PMPCA: variants seen among roughly 807,000 people sequenced by gnomAD.
The protein encoded by PMPCA is peptidase, mitochondrial processing subunit alpha, also known as mitochondrial-processing peptidase subunit alpha.
In PMPCA, 47 loss-of-function variants were observed where a neutral mutation model predicts 59.3. That is an observed-to-expected ratio of 0.79 (90% CI 0.63 to 1.01). The LOEUF (loss-of-function observed/expected upper bound fraction) is 1.01. Ranked by LOEUF, PMPCA falls within the 50% of genes least tolerant of loss-of-function variation. The pLI is 0.00. For missense variants in PMPCA, 726 were observed against 704.5 expected (o/e 1.03, Z -0.34); for synonymous variants, 338 against 290.3 (o/e 1.16, Z -1.67).
intron 4 of PMPCA, 58 bp downstream of exon 4, chr9:136,412,950 C>T (rs1257617993): frequency 2.1e-5 from 21 of 1,008,640 alleles, no homozygotes; most frequent in Non-Finnish European, 3.2e-5. Flanking sequence ...ACGTTCTTGT[C>T]GTTGCTCAGA....
intron 1 of PMPCA, 50 bp downstream of exon 1, chr9:136,410,789 T>G (rs769970352): frequency 3.0e-6 from 4 of 1,335,388 alleles, no homozygotes; most frequent in Non-Finnish European, 3.9e-6. Context: ...GCGGCTCGAG[T>G]CTTTCTGGAC....
Position 136,421,977 on chromosome 9 carries a change from G to A in PMPCA, c.1408+1G>A, listed in dbSNP as rs753895120. 7 of 1,608,058 alleles carry A rather than the reference G, an allele frequency of 4.4e-6. No homozygotes were observed. The highest frequency in any genetic ancestry group is 5.9e-6 in the Non-Finnish European group (7 of 1,177,336). On this transcript the variant is annotated splice_donor_variant, in intron 12 of 12. Transcript: ENST00000371717. LOFTEE classifies it high-confidence loss of function. ...CCGCACGAGCTGTGCACGCTCATCC[G>A]TGAGTACCGCAGGGGTAGTGAGGGG...
intron 1 of PMPCA, chr9:136,411,390 A>C (rs1043157933): frequency 1.3e-5 from 2 of 154,660 alleles, no homozygotes; most frequent in African/African-American, 4.8e-5. Flanking sequence ...AGAAAATAGC[A>C]GGAAAGACTA....
At chr9:136,420,997 G>T (rs1425788957) in intron 11 of PMPCA, 1 of 151,642 alleles carries the variant, frequency 6.6e-6, no homozygotes, top group East Asian at 1.9e-4. Context: ...TTTTCAGTAT[G>T]CTGGCTCCTA....
intron 8 of PMPCA, 55 bp from the exon 9 acceptor site, chr9:136,418,500 G>A (rs1020511403): frequency 1.8e-5 from 20 of 1,110,408 alleles, no homozygotes; most frequent in South Asian, 1.2e-4. Context: ...GGCGTCTGAC[G>A]GTGCTCCTGA....
rs781745140 is a variant in PMPCA at position 136,417,088 on chromosome 9, C to A, written c.771C>A (p.Gly257=). 3 of 1,613,964 alleles carry A rather than the reference C, an allele frequency of 1.9e-6. No individual in the cohort carries two copies. Among genetic ancestry groups the A allele is most frequent in the Non-Finnish European group, 2.5e-6 (3 of 1,180,034 alleles). ...TPDRMVLAGV[G]VEHEHLVDCA... ...ACCGCATGGTGCTGGCCGGCGTGGG[C>A]GTGGAGCACGAGCATCTGGTGGACT... The change falls in exon 7 of 13, where the codon GGC becomes GGA. Residue 257 remains glycine (G), a synonymous_variant. Coordinates refer to ENST00000371717, the MANE Select transcript of PMPCA (RefSeq NM_015160.3).
At chr9:136,412,913 A>T in intron 4 of PMPCA, 21 bp downstream of exon 4, 1 of 1,444,476 alleles carries the variant, frequency 6.9e-7, no homozygotes, top group Non-Finnish European at 9.7e-7. Context: ...TTTTGTGTAC[A>T]AACTGACTTT....
Position 136,422,975 on chromosome 9 carries a change from TCAG to T in PMPCA, c.1409-114_1409-112del, listed in dbSNP as rs1053488850. The T allele has an allele frequency of 2.7e-6, 4 of 1,455,406 alleles. No individual in the cohort carries two copies. The African/African-American group carries it at 5.6e-5, about 20-fold the overall frequency. 90.2% of individuals were successfully genotyped at this position (1,455,406 alleles called of 1,614,324 possible). A position where few individuals can be genotyped will look rare whatever the true frequency, so the allele number is the denominator to read the frequency against. ...CTGCCTTTGGGCCCAGGTGCCCCCATCAGCAGCACAGCGTGAGTGAGTGGTACA... is the reference window on the plus strand; with the variant it reads ...CTGCCTTTGGGCCCAGGTGCCCCCATCAGCACAGCGTGAGTGAGTGGTACA... On this transcript the variant is annotated intron_variant, in intron 12 of 12. Coordinates refer to ENST00000371717, the MANE Select transcript of PMPCA (RefSeq NM_015160.3).
At chr9:136,417,360 A>C (rs1295199656) in intron 7 of PMPCA, 146 bp downstream of exon 7, 4 of 623,600 alleles carry the variant, frequency 6.4e-6, no homozygotes, top group Non-Finnish European at 1.1e-5. Context: ...GTCCCACAGC[A>C]GGGCATGGAC....
chr9:136,421,885 G>A lies in PMPCA; in HGVS notation c.1317G>A (p.Leu439=). 1 of 1,610,970 alleles carries A rather than the reference G, an allele frequency of 6.2e-7. No individual in the cohort carries two copies. The highest frequency in any genetic ancestry group is 8.5e-7 in the Non-Finnish European group (1 of 1,179,064). The change falls in exon 12 of 13, where the codon CTG becomes CTA. Residue 439 remains leucine (L), a synonymous_variant. Coordinates refer to ENST00000371717, the MANE Select transcript of PMPCA (RefSeq NM_015160.3). The stretch of plus-strand genomic sequence containing the variant: ...TGACATCAATGCTCATGATGAACCT[G>A]GAATCCAGGCCTGTGATCTTCGAGG... ...TQLTSMLMMN[L]ESRPVIFEDV... is the part of the protein sequence containing the mutation.
chr9:136,422,693 CTCCTG>C (rs758460672), intron 12 of PMPCA: 1 of 1,045,806 alleles, frequency 9.6e-7, no homozygotes, highest in Non-Finnish European at 1.2e-6. Context: ...GACCCTATCA[CTCCTG>C]TCCTGGGGTT....
chr9:136,421,404 G>GTTTTTTTTTT (rs57128281), intron 11 of PMPCA, among the ~76,000 whole-genome samples: 3 of 118,008 alleles, frequency 2.5e-5, no homozygotes, highest in Admixed American at 1.9e-4. Context: ...CTGGGTTCCC[G>GTTTTTTTTTT]TTTTTTTTTT....
At chr9:136,419,556 A>G (rs1316553974) in intron 11 of PMPCA, 4 of 235,646 alleles carry the variant, frequency 1.7e-5, no homozygotes, top group Non-Finnish European at 3.4e-5. Context: ...GCTCCATTCT[A>G]TGTTTGAAAC....
intron 8 of PMPCA, 22 bp downstream of exon 8, chr9:136,418,131 G>T: frequency 6.5e-7 from 1 of 1,544,412 alleles, no homozygotes; most frequent in Non-Finnish European, 9.0e-7. Context: ...TGCTGGGTCT[G>T]ATGGCGTTCC....
chr9:136,422,729 C>A, intron 12 of PMPCA: 1 of 1,071,312 alleles, frequency 9.3e-7, no homozygotes, highest in Non-Finnish European at 1.1e-6. Context: ...GCCCTTTGGC[C>A]TTCTCTCACC....
At chr9:136,418,161 C>A (rs369084281) in intron 8 of PMPCA, 52 bp downstream of exon 8, 3 of 1,299,194 alleles carry the variant, frequency 2.3e-6, no homozygotes, top group African/African-American at 2.9e-5. Flanking sequence ...GTGGCCGGCT[C>A]AGCCAGCCCT....
At chr9:136,414,528 AT>A in intron 4 of PMPCA, 24 bp from the exon 5 acceptor site, 2 of 1,514,676 alleles carry the variant, frequency 1.3e-6, no homozygotes, top group Non-Finnish European at 1.8e-6. Flanking sequence ...AGGGCCTGGC[AT>A]TATGGGCTTG....
chr9:136,419,250 A>G (rs1173835829), intron 11 of PMPCA, 144 bp downstream of exon 11: 9 of 795,108 alleles, frequency 1.1e-5, no homozygotes, highest in Non-Finnish European at 2.0e-5. Flanking sequence ...AGGGCGGCCA[A>G]GGAGGCACAG....
chr9:136,417,164 G>C lies in PMPCA; in HGVS notation c.847G>C (p.Ala283Pro). The C allele has an allele frequency of 6.2e-7, 1 of 1,610,684 alleles. No homozygotes were observed. The highest frequency in any genetic ancestry group is 8.5e-7 in the Non-Finnish European group (1 of 1,177,758). ...GVQPAWGSAEAVDIDRSVAQY... is the reference protein window; with the variant it reads ...GVQPAWGSAEPVDIDRSVAQY... ...CCAGCCGGCCTGGGGGAGCGCAGAG[G>C]CCGTGGATATTGACAGATCTGTGGC... The change falls in exon 7 of 13, where the codon GCC (alanine) becomes CCC (proline). Residue 283 changes from alanine (A) to proline (P), a missense_variant. Ala to Pro is a conservative substitution (Grantham distance 27). Transcript: ENST00000371717.
Sources: gnomAD v4.1 joint callset for allele counts (sites outside exome capture counted in the v4.1 genomes callset) on GRCh38, gnomAD v4.1.1 for gene constraint, MANE v1.5 for transcripts, NCBI Gene and HGNC (gene_info 2026-07-23, HGNC 2026-07-21) for gene names.